ATRNL1: variants seen among roughly 807,000 people sequenced by gnomAD.
The protein encoded by ATRNL1 is attractin like 1, also known as attractin-like protein 1.
In ATRNL1, 95 loss-of-function variants were observed where a neutral mutation model predicts 182.7. The observed-to-expected ratio is 0.52, with a 90% confidence interval of 0.44 to 0.62. The LOEUF (loss-of-function observed/expected upper bound fraction) is 0.62. Ranked by LOEUF, ATRNL1 falls within the 20% of genes least tolerant of loss-of-function variation. ATRNL1 has a pLI of 0.00. For synonymous variants in ATRNL1, 576 were observed against 568.3 expected (o/e 1.01, Z -0.19); for missense variants, 1,471 against 1,679.5 (o/e 0.88, Z 2.17).
chr10:115,747,975 C>T (rs1421310013), intron 27 of ATRNL1, among the ~76,000 whole-genome samples: 1 of 151,966 alleles, frequency 6.6e-6, no homozygotes, highest in Admixed American at 6.6e-5. Flanking sequence ...AACCTAATTA[C>T]ATCCCAAAGA....
At chr10:115,821,800 T>A (rs1460501874) in intron 27 of ATRNL1, among the ~76,000 whole-genome samples, 1 of 152,192 alleles carries the variant, frequency 6.6e-6, no homozygotes, top group Non-Finnish European at 1.5e-5. Flanking sequence ...CTTAGAGACC[T>A]ACAAAGAGAC....
At chr10:115,252,779 T>C (rs1393908877) in intron 10 of ATRNL1, among the ~76,000 whole-genome samples, 7 of 152,190 alleles carry the variant, frequency 4.6e-5, no homozygotes, top group Non-Finnish European at 1.0e-4. Context: ...TTTCTAGAGC[T>C]CACTGGGGCT....
At chr10:115,571,481 C>A (rs1227878771) in intron 26 of ATRNL1, among the ~76,000 whole-genome samples, 1 of 152,130 alleles carries the variant, frequency 6.6e-6, no homozygotes, top group Admixed American at 6.5e-5. Context: ...TACTTTTGGG[C>A]TTTCTGTTAG....
intron 15 of ATRNL1, among the ~76,000 whole-genome samples, chr10:115,295,253 G>A (rs1262316490): frequency 2.0e-5 from 3 of 152,142 alleles, no homozygotes; most frequent in Admixed American, 1.3e-4. Flanking sequence ...AACCCACAGG[G>A]CTATTTCTTA....
intron 18 of ATRNL1, among the ~76,000 whole-genome samples, chr10:115,326,169 G>A (rs1364728436): frequency 6.6e-6 from 1 of 152,138 alleles, no homozygotes; most frequent in Non-Finnish European, 1.5e-5. Flanking sequence ...TGACATGATT[G>A]TATATCGAGA....
chr10:115,093,621 A>G lies in ATRNL1; in HGVS notation c.-130A>G. 1.9e-6 allele frequency: 2 copies of G among 1,060,370 alleles called. No homozygotes were observed. Among genetic ancestry groups the G allele is most frequent in the Non-Finnish European group, 2.8e-6 (2 of 726,750 alleles). The allele number at this position is 1,060,370 out of a possible 1,614,324, so 65.7% of individuals were successfully genotyped here. A position where few individuals can be genotyped will look rare whatever the true frequency, so the allele number is the denominator to read the frequency against. ...CTGTCCCTCCTGACCGGGGAGCGGGACTCGGACGGGCGCCGGTGAGGAGGA... is the reference window on the plus strand; with the variant it reads ...CTGTCCCTCCTGACCGGGGAGCGGGGCTCGGACGGGCGCCGGTGAGGAGGA... On this transcript the variant is annotated 5_prime_UTR_variant, in exon 1 of 29. Transcript: ENST00000355044. The surrounding 1 kb of genome is among the most constrained non-coding windows in gnomAD (Gnocchi z 6.1).
At chr10:115,261,902 A>T (rs1160064572) in intron 10 of ATRNL1, among the ~76,000 whole-genome samples, 1 of 152,060 alleles carries the variant, frequency 6.6e-6, no homozygotes, top group Admixed American at 6.6e-5. Flanking sequence ...AAGAAACTGA[A>T]TATTGCTCTA....
chr10:115,271,470 A>G (rs1390180668), intron 13 of ATRNL1, among the ~76,000 whole-genome samples: 13 of 151,840 alleles, frequency 8.6e-5, no homozygotes, highest in Non-Finnish European at 4.4e-5. Flanking sequence ...CAATTCCTCA[A>G]CGATCTAGAA....
intron 7 of ATRNL1, among the ~76,000 whole-genome samples, chr10:115,168,741 TCACC>T (rs1213616235): frequency 6.6e-6 from 1 of 152,136 alleles, no homozygotes; most frequent in Non-Finnish European, 1.5e-5. Context: ...GCAAATATTT[TCACC>T]CATTTCGTGT....
At chr10:115,864,625 G>T (rs1272612142) in intron 28 of ATRNL1, among the ~76,000 whole-genome samples, 3 of 152,182 alleles carry the variant, frequency 2.0e-5, no homozygotes, top group Non-Finnish European at 4.4e-5. Flanking sequence ...CTGACATGTT[G>T]CATGGAGAAG....
chr10:115,893,656 A>C (rs1419431202), intron 28 of ATRNL1, among the ~76,000 whole-genome samples: 1 of 152,204 alleles, frequency 6.6e-6, no homozygotes, highest in Non-Finnish European at 1.5e-5. Flanking sequence ...CCCTGGATTC[A>C]GAAAACAGAG....
At chr10:115,291,722 T>G (rs1392251162) in intron 15 of ATRNL1, among the ~76,000 whole-genome samples, 9 of 151,922 alleles carry the variant, frequency 5.9e-5, no homozygotes, top group Admixed American at 5.9e-4. Flanking sequence ...TTGGTCATGG[T>G]GTGTATTGTT....
intron 19 of ATRNL1, among the ~76,000 whole-genome samples, chr10:115,380,052 G>C (rs942751198): frequency 6.6e-6 from 1 of 151,950 alleles, no homozygotes; most frequent in East Asian, 1.9e-4. Flanking sequence ...GGATGGTCTC[G>C]ATCTGCTGAC....
At chr10:115,743,038 A>C (rs1948183399) in intron 27 of ATRNL1, among the ~76,000 whole-genome samples, 1 of 152,130 alleles carries the variant, frequency 6.6e-6, no homozygotes, top group Non-Finnish European at 1.5e-5. Flanking sequence ...AAAGGGGAAA[A>C]GTCCCTTATA....
At chr10:115,429,718 T>A (rs1178567489) in intron 21 of ATRNL1, among the ~76,000 whole-genome samples, 1 of 152,148 alleles carries the variant, frequency 6.6e-6, no homozygotes, top group Non-Finnish European at 1.5e-5. Context: ...AAGAAGACGA[T>A]CTCTTTTTTG....
At chr10:115,617,978 T>G (rs11197354) in intron 26 of ATRNL1, among the ~76,000 whole-genome samples, 1,663 of 152,188 alleles carry the variant, frequency 0.011, 30 homozygotes, top group African/African-American at 0.038. Flanking sequence ...TGATAGTGAG[T>G]GAGTTCTCAT....
chr10:115,289,084 G>C (rs1398486392), intron 15 of ATRNL1, among the ~76,000 whole-genome samples: 3 of 152,158 alleles, frequency 2.0e-5, no homozygotes, highest in Admixed American at 1.3e-4. Flanking sequence ...CATGGCAAAA[G>C]GCAAGAAGGA....
chr10:115,497,424 G>T (rs914511737), intron 24 of ATRNL1, among the ~76,000 whole-genome samples: 1 of 152,128 alleles, frequency 6.6e-6, no homozygotes, highest in Non-Finnish European at 1.5e-5. Context: ...TTTCCCCATG[G>T]TGGAGGACAT....
At chr10:115,942,597 A>T (rs1307759909) in intron 28 of ATRNL1, among the ~76,000 whole-genome samples, 1 of 152,196 alleles carries the variant, frequency 6.6e-6, no homozygotes, top group Admixed American at 6.5e-5. Flanking sequence ...GAAATATGTG[A>T]AGCTTACCCA....
Sources: allele counts gnomAD v4.1 joint callset (sites outside exome capture counted in the v4.1 genomes callset), GRCh38; gene constraint gnomAD v4.1.1; non-coding constraint Gnocchi (gnomAD v3.1); transcripts MANE v1.5; gene names NCBI Gene and HGNC (gene_info 2026-07-23, HGNC 2026-07-21).